Variants in MROH9 observed in about 807,000 individuals in gnomAD.
MROH9 encodes the protein maestro heat like repeat family member 9.
Under a neutral mutation model 98.2 loss-of-function variants are expected in MROH9, and 92 were observed. That is an observed-to-expected ratio of 0.94 (90% CI 0.79 to 1.11). The LOEUF (loss-of-function observed/expected upper bound fraction) is 1.11. Among genes scored for constraint, MROH9 ranks in the 50% most tolerant of loss-of-function variants. The probability of loss-of-function intolerance (pLI) is 0.00; values close to 1 mark genes in which losing one functional copy is unlikely to be tolerated. For missense variants in MROH9, 1,057 were observed against 1,014.8 expected (o/e 1.04, Z -0.57); for synonymous variants, 397 against 368.9 (o/e 1.08, Z -0.87).
intron 5 of MROH9, among the ~76,000 whole-genome samples, chr1:170,961,645 A>T (rs61815973): frequency 0.08 from 12,118 of 152,206 alleles, 619 homozygotes; most frequent in Non-Finnish European, 0.11. Context: ...TCTCAAAGAG[A>T]ATTACATTTT....
Position 170,959,554 on chromosome 1 carries a change from T to G in MROH9, c.245T>G (p.Val82Gly), listed in dbSNP as rs1210696012. ...MLVVMPSLDK[V>G]KEMGSSYEYI... is the part of the protein sequence containing the mutation. ...GTTGTCATGCCAAGTCTTGACAAAGTAAAAGAAATGGGGAGCAGTTATGAG... is the reference window on the plus strand; with the variant it reads ...GTTGTCATGCCAAGTCTTGACAAAGGAAAAGAAATGGGGAGCAGTTATGAG... The change falls in exon 5 of 22, where the codon GTA (valine) becomes GGA (glycine). Residue 82 changes from valine to glycine, a missense_variant. Transcript: ENST00000367759. 5.0e-6 allele frequency: 8 copies of G among 1,613,674 alleles called. No homozygotes were observed. In the Admixed American group the frequency reaches 1.3e-4, roughly 27 times the overall value.
intron 3 of MROH9, among the ~76,000 whole-genome samples, chr1:170,952,434 G>C (rs1447592618): frequency 6.6e-6 from 1 of 152,038 alleles, no homozygotes; most frequent in Non-Finnish European, 1.5e-5. Context: ...AAAATGATGA[G>C]TTCATGTCCT....
intron 20 of MROH9, among the ~76,000 whole-genome samples, chr1:171,032,622 G>A (rs1446717432): frequency 6.6e-6 from 1 of 152,156 alleles, no homozygotes; most frequent in African/African-American, 2.4e-5. Context: ...CAAGGAGGCT[G>A]GAGAACAGCA....
At chr1:171,047,732 G>C (rs181221409) in intron 20 of MROH9, among the ~76,000 whole-genome samples, 39 of 152,120 alleles carry the variant, frequency 2.6e-4, no homozygotes, top group Non-Finnish European at 4.9e-4. Flanking sequence ...GTTCTTCACT[G>C]TCTGGGCATT....
chr1:170,962,109 A>C, intron 6 of MROH9, 133 bp downstream of exon 6: 1 of 553,588 alleles, frequency 1.8e-6, no homozygotes, highest in African/African-American at 2.0e-5. Flanking sequence ...TTTACCACAG[A>C]AGAGTGAAAT....
At chr1:171,056,040 C>G (rs757812993) in intron 20 of MROH9, among the ~76,000 whole-genome samples, 1 of 152,180 alleles carries the variant, frequency 6.6e-6, no homozygotes. Flanking sequence ...CCCACACCAC[C>G]GGGGCCTAGG....
At chr1:170,985,443 T>A (rs889238210) in intron 9 of MROH9, among the ~76,000 whole-genome samples, 1 of 152,176 alleles carries the variant, frequency 6.6e-6, no homozygotes, top group African/African-American at 2.4e-5. Context: ...TTGGTGTATT[T>A]CTGGAGAGTT....
chr1:171,014,330 A>C, intron 16 of MROH9, 76 bp downstream of exon 16: 2 of 1,348,538 alleles, frequency 1.5e-6, no homozygotes, highest in Non-Finnish European at 2.0e-6. Flanking sequence ...TAACATCTTC[A>C]CTGACAAAGC....
chr1:170,958,508 T>C lies in MROH9; in HGVS notation c.120T>C (p.Ser40=). Residue 40 remains serine (S), a synonymous_variant, in exon 4 of 22, where the codon AGT becomes AGC. Coordinates refer to ENST00000367759, the MANE Select transcript of MROH9 (RefSeq NM_001163629.2). ...TGGATGCATACTCAGGCCTGTTAAG[T>C]AATGAATCCATGATCCTGGCTGTGA... ...SLLDAYSGLL[S]NESMILAVNS... The C allele has an allele frequency of 6.3e-7, 1 of 1,596,116 alleles. No homozygotes were observed.
intron 12 of MROH9, among the ~76,000 whole-genome samples, chr1:170,994,980 T>C (rs1651505223): frequency 6.7e-6 from 1 of 149,182 alleles, no homozygotes; most frequent in Non-Finnish European, 1.5e-5. Context: ...GGCCAAATGA[T>C]CTGTTGGTGA....
chr1:171,064,270 A>C lies in MROH9; in HGVS notation c.2516A>C (p.Tyr839Ser). 6.4e-7 allele frequency: 1 copy of C among 1,551,434 alleles called. No individual in the cohort carries two copies. The highest frequency in any genetic ancestry group is 8.7e-7 in the Non-Finnish European group (1 of 1,146,832). The change falls in exon 22 of 22, where the codon TAT becomes TCT. Residue 839 changes from tyrosine to serine, a missense_variant. Tyr to Ser is a moderately radical substitution (Grantham distance 144). Transcript: ENST00000367759. ...YIKKLKPLYN[Y>S]NSPNGQIDSP... is the part of the protein sequence containing the mutation. ...AAAAAATTGAAGCCTCTTTACAATT[A>C]TAACTCACCCAATGGCCAGATAGAC...
intron 20 of MROH9, among the ~76,000 whole-genome samples, chr1:171,037,302 A>G (rs909338982): frequency 1.3e-5 from 2 of 151,548 alleles, no homozygotes; most frequent in African/African-American, 4.8e-5. Context: ...GAAGGAAGGA[A>G]GACTTTTGGA....
intron 15 of MROH9, among the ~76,000 whole-genome samples, chr1:171,012,323 G>A (rs1198496133): frequency 6.6e-6 from 1 of 151,836 alleles, no homozygotes; most frequent in Non-Finnish European, 1.5e-5. Context: ...CTTCTGACAT[G>A]GTATCTAATT....
intron 8 of MROH9, among the ~76,000 whole-genome samples, chr1:170,982,217 A>G (rs573179322): frequency 6.6e-6 from 1 of 152,114 alleles, no homozygotes; most frequent in Admixed American, 6.6e-5. Flanking sequence ...AAGCAAATAG[A>G]TAAAGAGATT....
At chr1:171,039,357 T>C (rs1653221950) in intron 20 of MROH9, among the ~76,000 whole-genome samples, 1 of 152,192 alleles carries the variant, frequency 6.6e-6, no homozygotes, top group Non-Finnish European at 1.5e-5. Context: ...TTCTCTCTCA[T>C]GCAATAGTCC....
Position 171,064,475 on chromosome 1 carries a change from A to T in MROH9, c.*135A>T. 1.1e-6 allele frequency: 1 copy of T among 882,738 alleles called. No homozygotes were observed. Among genetic ancestry groups the T allele is most frequent in the East Asian group, 2.8e-5 (1 of 35,640 alleles). The allele number at this position is 882,738 out of a possible 1,614,324, so 54.7% of individuals were successfully genotyped here. A position where few individuals can be genotyped will look rare whatever the true frequency, so the allele number is the denominator to read the frequency against. ...TCTGTTTGTAGATGCTTTTCTGAAA[A>T]ATTCTGGAAGCTTTTACTGTTACTT... On this transcript the variant is annotated 3_prime_UTR_variant, in exon 22 of 22. Transcript: ENST00000367759.
chr1:171,060,310 G>A (rs1392964288), intron 20 of MROH9, among the ~76,000 whole-genome samples: 1 of 152,164 alleles, frequency 6.6e-6, no homozygotes, highest in Non-Finnish European at 1.5e-5. Flanking sequence ...GATATATTAT[G>A]CTCATTGATT....
intron 1 of MROH9, among the ~76,000 whole-genome samples, chr1:170,939,505 A>G (rs1276838801): frequency 6.6e-6 from 1 of 152,218 alleles, no homozygotes; most frequent in Non-Finnish European, 1.5e-5. Flanking sequence ...TCCTCTGTCA[A>G]TTGATCATAG....
chr1:171,055,032 TAA>T (rs375031261), intron 20 of MROH9, among the ~76,000 whole-genome samples: 3,783 of 122,502 alleles, frequency 0.031, 162 homozygotes, highest in African/African-American at 0.1. Flanking sequence ...GAAGTCATTA[TAA>T]AAAAAAAAAA....
Sources: gnomAD v4.1 joint callset for allele counts (sites outside exome capture counted in the v4.1 genomes callset) on GRCh38, gnomAD v4.1.1 for gene constraint, MANE v1.5 for transcripts, NCBI Gene and HGNC (gene_info 2026-07-23, HGNC 2026-07-21) for gene names.